The following OR51B5 variants were observed in gnomAD, a reference collection of about 807,000 sequenced individuals.
OR51B5 encodes the protein olfactory receptor 51B5.
For synonymous variants in OR51B5, 186 were observed against 144.8 expected (o/e 1.28, Z -2.04); for missense variants, 456 against 374.6 (o/e 1.22, Z -1.79).
intron 1 of OR51B5, among the ~76,000 whole-genome samples, chr11:5,434,127 G>A (rs1436096535): frequency 6.6e-6 from 1 of 152,142 alleles, no homozygotes; most frequent in Non-Finnish European, 1.5e-5. Context: ...ACCCCATACC[G>A]ATTAAAGTAG....
intron 1 of OR51B5, among the ~76,000 whole-genome samples, chr11:5,490,669 G>A (rs1036688920): frequency 6.6e-6 from 1 of 152,170 alleles, no homozygotes; most frequent in Non-Finnish European, 1.5e-5. Flanking sequence ...CATTCAGGGA[G>A]ACTAATAGCC....
chr11:5,431,184 CA>C, intron 1 of OR51B5: 4 of 367,676 alleles, frequency 1.1e-5, no homozygotes, highest in South Asian at 8.2e-5. Context: ...TAATACGGGG[CA>C]GGGTCAGGAT....
At chr11:5,359,643 CT>C (rs1849250438) in intron 1 of OR51B5, among the ~76,000 whole-genome samples, 1 of 140,710 alleles carries the variant, frequency 7.1e-6, no homozygotes, top group Non-Finnish European at 1.5e-5. Flanking sequence ...GAAAAAACTA[CT>C]TTAAAGTTCA....
intron 1 of OR51B5, among the ~76,000 whole-genome samples, chr11:5,493,835 T>C (rs1188923206): frequency 1.3e-5 from 2 of 152,236 alleles, no homozygotes; most frequent in East Asian, 3.8e-4. Flanking sequence ...CTGCCTAGAA[T>C]GACACCTCCA....
At chr11:5,444,395 T>C (rs1850733704) in intron 1 of OR51B5, among the ~76,000 whole-genome samples, 1 of 152,022 alleles carries the variant, frequency 6.6e-6, no homozygotes, top group African/African-American at 2.4e-5. Context: ...CTTAACTCAG[T>C]GATATGTGGT....
chr11:5,456,137 C>T (rs1037377583), intron 1 of OR51B5: 1 of 152,186 alleles, frequency 6.6e-6, no homozygotes, highest in African/African-American at 2.4e-5. Flanking sequence ...TAAACTCTCA[C>T]TGATTCCTAC....
intron 1 of OR51B5, among the ~76,000 whole-genome samples, chr11:5,420,464 A>G (rs1202620357): frequency 6.6e-6 from 1 of 151,938 alleles, no homozygotes; most frequent in Non-Finnish European, 1.5e-5. Flanking sequence ...TTCTTAATCT[A>G]TTGTATTTTT....
intron 1 of OR51B5, among the ~76,000 whole-genome samples, chr11:5,402,092 A>C (rs1010901021): frequency 1.3e-5 from 2 of 151,850 alleles, no homozygotes; most frequent in African/African-American, 4.8e-5. Context: ...GCTCACTGCA[A>C]CCTTTGCCTT....
At chr11:5,351,173 AT>A in intron 1 of OR51B5, among the ~76,000 whole-genome samples, 1 of 152,314 alleles carries the variant, frequency 6.6e-6, no homozygotes, top group South Asian at 2.1e-4. Flanking sequence ...CACTATTCAA[AT>A]ATAGTGATTT....
At chr11:5,409,222 G>C (rs1239383587) in intron 1 of OR51B5, among the ~76,000 whole-genome samples, 2 of 152,144 alleles carry the variant, frequency 1.3e-5, no homozygotes, top group African/African-American at 4.8e-5. Flanking sequence ...AGATTCTGGA[G>C]AGTGGAGAAC....
At chr11:5,402,080 T>C (rs576954440) in intron 1 of OR51B5, among the ~76,000 whole-genome samples, 1 of 151,948 alleles carries the variant, frequency 6.6e-6, no homozygotes, top group South Asian at 2.1e-4. Flanking sequence ...CGTGCAATCC[T>C]GGCTCACTGC....
At chr11:5,420,099 A>C (rs1045257093) in intron 1 of OR51B5, among the ~76,000 whole-genome samples, 1 of 151,466 alleles carries the variant, frequency 6.6e-6, no homozygotes, top group Non-Finnish European at 1.5e-5. Flanking sequence ...ATCTCTTTCT[A>C]CTCTTTTGTT....
chr11:5,480,544 C>T, intron 1 of OR51B5, among the ~76,000 whole-genome samples: 1 of 150,444 alleles, frequency 6.6e-6, no homozygotes, highest in Admixed American at 6.6e-5. Flanking sequence ...ACAAAAAACC[C>T]TTCAAAAAAT....
intron 1 of OR51B5, among the ~76,000 whole-genome samples, chr11:5,374,330 G>A (rs1387180950): frequency 6.6e-6 from 1 of 152,054 alleles, no homozygotes; most frequent in Non-Finnish European, 1.5e-5. Flanking sequence ...AAACCCATCG[G>A]TACATCACTA....
At chr11:5,489,575 T>G (rs770293989) in intron 1 of OR51B5, 1 of 1,614,052 alleles carries the variant, frequency 6.2e-7, no homozygotes, top group Non-Finnish European at 8.5e-7. Flanking sequence ...GTGCCTCCTG[T>G]ACTCAATCCT....
chr11:5,454,293 C>T (rs374408838), intron 1 of OR51B5: 2 of 1,613,938 alleles, frequency 1.2e-6, no homozygotes, highest in African/African-American at 2.7e-5. Context: ...GAAGCATGTC[C>T]CATGCTACAT....
At chr11:5,484,101 C>T (rs1248813542) in intron 1 of OR51B5, among the ~76,000 whole-genome samples, 2 of 152,146 alleles carry the variant, frequency 1.3e-5, no homozygotes, top group East Asian at 1.9e-4. Flanking sequence ...CTTCTGCATG[C>T]TCCACCTGCA....
intron 1 of OR51B5, among the ~76,000 whole-genome samples, chr11:5,450,405 T>G (rs147486177): frequency 3.4e-5 from 5 of 145,018 alleles, no homozygotes; most frequent in African/African-American, 7.4e-5. Flanking sequence ...ATAAATGAAT[T>G]AATTAATTAA....
chr11:5,389,794 T>C (rs773064082), intron 1 of OR51B5: 1 of 1,614,038 alleles, frequency 6.2e-7, no homozygotes, highest in Non-Finnish European at 8.5e-7. Context: ...TGATGTCCTT[T>C]GACCGCCTTG....
Sources: gnomAD v4.1 joint callset for allele counts (sites outside exome capture counted in the v4.1 genomes callset) on GRCh38, gnomAD v4.1.1 for gene constraint, MANE v1.5 for transcripts, NCBI Gene and HGNC (gene_info 2026-07-23, HGNC 2026-07-21) for gene names.